ELMO1: variants seen among roughly 807,000 people sequenced by gnomAD.
The protein encoded by ELMO1 is engulfment and cell motility 1.
A neutral mutation model predicts 98.9 loss-of-function variants in ELMO1; 26 were observed. That is an observed-to-expected ratio of 0.26 (90% CI 0.19 to 0.36). The LOEUF is 0.36. ELMO1 is among the 10% of genes least tolerant of loss of function. The pLI, the probability that ELMO1 is intolerant of heterozygous loss-of-function variation, is 1.00. For missense variants in ELMO1, 627 were observed against 935.2 expected (o/e 0.67, Z 4.30); for synonymous variants, 346 against 346.0 (o/e 1.00, Z 0.00).
intron 16 of ELMO1, among the ~76,000 whole-genome samples, chr7:36,895,257 A>C (rs1192426105): frequency 6.6e-6 from 1 of 152,110 alleles, no homozygotes; most frequent in Non-Finnish European, 1.5e-5. Context: ...GGGGTGGGGA[A>C]GCTCAGGGTG....
intron 16 of ELMO1, among the ~76,000 whole-genome samples, chr7:36,910,992 G>A (rs1342461438): frequency 6.6e-6 from 1 of 152,094 alleles, no homozygotes; most frequent in Non-Finnish European, 1.5e-5. Flanking sequence ...CCTTCTAAAC[G>A]AGGGGATATC....
intron 14 of ELMO1, among the ~76,000 whole-genome samples, chr7:37,104,885 C>A (rs1162366442): frequency 6.6e-6 from 1 of 150,566 alleles, no homozygotes; most frequent in Non-Finnish European, 1.5e-5. Flanking sequence ...ACACAGGGAA[C>A]CAAGATAAAT....
intron 1 of ELMO1, among the ~76,000 whole-genome samples, chr7:37,383,909 C>A (rs532922637): frequency 1.4e-4 from 21 of 152,100 alleles, no homozygotes; most frequent in Non-Finnish European, 2.5e-4. Flanking sequence ...TCCGCATCCC[C>A]GGTTCATGCC....
chr7:37,342,469 C>G lies in ELMO1; in HGVS notation c.78+144G>C. The G allele has an allele frequency of 1.2e-6, 1 of 822,832 alleles. No individual in the cohort carries two copies. The highest frequency in any genetic ancestry group is 2.1e-6 in the Non-Finnish European group (1 of 484,854). 51.0% of individuals were successfully genotyped at this position (822,832 alleles called of 1,614,324 possible). A position where few individuals can be genotyped will look rare whatever the true frequency, so the allele number is the denominator to read the frequency against. ...CCATCACTGTATGTGCTACAGAAAT[C>G]AAGCACATTGCAACTATTATTGCAC... On this transcript the variant is annotated intron_variant, in intron 2 of 21. Coordinates refer to ENST00000310758, the MANE Select transcript of ELMO1 (RefSeq NM_014800.11). The surrounding 1 kb of genome is among the most constrained non-coding windows in gnomAD (Gnocchi z 4.3).
At chr7:36,995,477 T>C (rs973273595) in intron 16 of ELMO1, among the ~76,000 whole-genome samples, 8 of 151,494 alleles carry the variant, frequency 5.3e-5, no homozygotes, top group African/African-American at 1.7e-4. Context: ...CACTGCACTC[T>C]ACCCTGGTGA....
At chr7:37,073,672 G>A (rs1364148069) in intron 15 of ELMO1, among the ~76,000 whole-genome samples, 2 of 151,202 alleles carry the variant, frequency 1.3e-5, no homozygotes, top group Non-Finnish European at 2.9e-5. Flanking sequence ...TATCCTTCAC[G>A]AACATATCAT....
rs1362225822 is a variant in ELMO1, at chr7:36,990,836, A to G, written c.1437+22463T>C. ...AAAAATATGGTGACTATTATAGAAT[A>G]ATTTCTAAACTGGCTGTCCAAATTC... On this transcript the variant is annotated intron_variant, in intron 16 of 21. Coordinates refer to ENST00000310758, the MANE Select transcript of ELMO1 (RefSeq NM_014800.11). Among the ~76,000 whole-genome samples the G allele has an allele frequency of 2.0e-5, 3 of 152,152 alleles. No individual in the cohort carries two copies. In the East Asian group the frequency reaches 5.8e-4, roughly 29 times the overall value.
chr7:36,946,581 CTAT>C (rs1164116564), intron 16 of ELMO1, among the ~76,000 whole-genome samples: 1 of 152,194 alleles, frequency 6.6e-6, no homozygotes, highest in Non-Finnish European at 1.5e-5. Context: ...TTCCAAAGGA[CTAT>C]TGTTATCTGT....
chr7:37,108,844 G>C (rs554961620), intron 14 of ELMO1, among the ~76,000 whole-genome samples: 14 of 152,262 alleles, frequency 9.2e-5, no homozygotes, highest in African/African-American at 2.9e-4. Flanking sequence ...CCCACAGAAG[G>C]TTCAGTCACC....
intron 4 of ELMO1, among the ~76,000 whole-genome samples, chr7:37,287,294 A>G (rs1278862785): frequency 6.6e-6 from 1 of 152,196 alleles, no homozygotes; most frequent in African/African-American, 2.4e-5. Context: ...CATTTTAAGC[A>G]CTGCAGGCTA....
At position 37,188,579 on chromosome 7, in the gene ELMO1, A is replaced by G. The variant is rs377189467; in HGVS notation, c.1086+22807T>C. 2.5e-3 allele frequency among the ~76,000 whole-genome samples: 379 copies of G among 151,354 alleles called. 3 individuals are homozygous for G. Among genetic ancestry groups the G allele is most frequent in the South Asian group, 6.2e-3 (30 of 4,814 alleles). ...GGAGATAGGAAATGTGGCTGTGGGTATTTAGAGAAAAGGCATCTTAAGAGT... is the reference window on the plus strand; with the variant it reads ...GGAGATAGGAAATGTGGCTGTGGGTGTTTAGAGAAAAGGCATCTTAAGAGT... On this transcript the variant is annotated intron_variant, in intron 13 of 21. Transcript: ENST00000310758.
chr7:37,348,054 A>G (rs938517687), intron 1 of ELMO1, among the ~76,000 whole-genome samples: 4 of 152,240 alleles, frequency 2.6e-5, no homozygotes, highest in African/African-American at 9.6e-5. Context: ...CAAGGTCCAC[A>G]TCGCATTCAC....
intron 13 of ELMO1, among the ~76,000 whole-genome samples, chr7:37,149,323 C>A (rs1163879542): frequency 6.6e-6 from 1 of 152,146 alleles, no homozygotes; most frequent in African/African-American, 2.4e-5. Context: ...ATGGTGATAA[C>A]AACAGCTGCA....
chr7:36,964,528 T>C (rs2129124623), intron 16 of ELMO1, among the ~76,000 whole-genome samples: 1 of 152,340 alleles, frequency 6.6e-6, no homozygotes, highest in South Asian at 2.1e-4. Flanking sequence ...GTGGAACCAT[T>C]GTAATTTGGA....
chr7:37,284,761 G>A (rs1329693105), intron 4 of ELMO1, among the ~76,000 whole-genome samples: 1 of 132,336 alleles, frequency 7.6e-6, no homozygotes, highest in African/African-American at 3.0e-5. Context: ...GATGTTTACT[G>A]CAAAACGGTT....
At chr7:36,894,757 G>T in intron 17 of ELMO1, 97 bp downstream of exon 17, 2 of 1,479,210 alleles carry the variant, frequency 1.4e-6, no homozygotes, top group Admixed American at 1.8e-5. Flanking sequence ...CTTCCCTGAG[G>T]AGCTCACAAC....
intron 1 of ELMO1, among the ~76,000 whole-genome samples, chr7:37,380,077 C>G (rs1195559429): frequency 6.6e-6 from 1 of 152,148 alleles, no homozygotes; most frequent in African/African-American, 2.4e-5. Context: ...GCTGAATATG[C>G]GTGACTCTTG....
In ELMO1 at chr7:37,224,946, T is replaced by C; in HGVS notation, c.634A>G (p.Ser212Gly). 8 of 1,614,134 alleles carry C rather than the reference T, an allele frequency of 5.0e-6. No individual in the cohort carries two copies. The highest frequency in any genetic ancestry group is 6.8e-6 in the Non-Finnish European group (8 of 1,180,006). ...LAILESMVLN[S>G]HDLYQKVAQE... ...GCCACTTTCTGGTAGAGGTCATGGC[T>C]ATTGAGCACCATCGACTCCAAAATG... The change falls in exon 9 of 22, where the codon AGC becomes GGC. Residue 212 changes from serine to glycine, a missense_variant. By Grantham distance (56) the Ser-to-Gly change is moderately conservative. Around this residue, in one of 3 missense-constraint regions of ELMO1, gnomAD observed 492 missense variants for 715.6 expected, o/e 0.69. Coordinates refer to ENST00000310758, the MANE Select transcript of ELMO1 (RefSeq NM_014800.11).
At chr7:37,387,888 G>A (rs1802876800) in intron 1 of ELMO1, among the ~76,000 whole-genome samples, 1 of 152,174 alleles carries the variant, frequency 6.6e-6, no homozygotes, top group Non-Finnish European at 1.5e-5. Flanking sequence ...CTGAAGTGCA[G>A]TGGCACAATC....
Sources: allele counts gnomAD v4.1 joint callset (sites outside exome capture counted in the v4.1 genomes callset), GRCh38; gene constraint gnomAD v4.1.1; regional missense constraint gnomAD v4.1.1; non-coding constraint Gnocchi (gnomAD v3.1); transcripts MANE v1.5; gene names NCBI Gene and HGNC (gene_info 2026-07-23, HGNC 2026-07-21).